MGRN1: variants seen among roughly 807,000 people sequenced by gnomAD.
MGRN1 encodes the protein mahogunin ring finger 1, also known as E3 ubiquitin-protein ligase MGRN1.
MGRN1 carries 29 observed loss-of-function variants against 69.2 expected under a neutral mutation model. The ratio of observed to expected loss-of-function variants is 0.42; its 90% CI spans 0.31 to 0.57. The LOEUF (loss-of-function observed/expected upper bound fraction) is 0.57. Among genes scored for constraint, MGRN1 ranks in the 20% least tolerant of loss-of-function variants. MGRN1 has a pLI of 0.15. For missense variants in MGRN1, 998 were observed against 796.2 expected, an observed-to-expected ratio of 1.25 and a Z score of -3.05; for synonymous variants, 470 against 344.2, an observed-to-expected ratio of 1.37 and a Z score of -4.04.
intron 1 of MGRN1, among the ~76,000 whole-genome samples, chr16:4,637,623 C>CG (rs2078062379): frequency 1.3e-5 from 2 of 152,174 alleles, no homozygotes; most frequent in Non-Finnish European, 2.9e-5. Flanking sequence ...TCAGGGGAAA[C>CG]GGACAAGTGG....
At chr16:4,682,470 C>T (rs2079208607) in intron 13 of MGRN1, among the ~76,000 whole-genome samples, 2 of 152,222 alleles carry the variant, frequency 1.3e-5, no homozygotes, top group Non-Finnish European at 2.9e-5. Context: ...ACCCTCCATG[C>T]CCACGAGGAG....
At chr16:4,671,511 A>G (rs2078936690) in intron 9 of MGRN1, 52 bp downstream of exon 9, 2 of 1,561,494 alleles carry the variant, frequency 1.3e-6, no homozygotes, top group African/African-American at 1.4e-5. Flanking sequence ...CCACACCAGG[A>G]GCAGCCGCGG....
intron 10 of MGRN1, among the ~76,000 whole-genome samples, chr16:4,676,204 C>T (rs968315446): frequency 6.6e-6 from 1 of 152,178 alleles, no homozygotes; most frequent in Non-Finnish European, 1.5e-5. Flanking sequence ...CAGCCTGTGG[C>T]AGATCCTGTA....
intron 9 of MGRN1, chr16:4,672,306 C>G (rs2078956371): frequency 4.4e-6 from 2 of 455,954 alleles, no homozygotes; most frequent in South Asian, 1.5e-5. Context: ...CTCAGCCTCC[C>G]AAAGTGCTGG....
At chr16:4,644,305 GTTTTTTT>G (rs79613493) in intron 1 of MGRN1, among the ~76,000 whole-genome samples, 5 of 107,604 alleles carry the variant, frequency 4.6e-5, no homozygotes, top group South Asian at 3.1e-4. Flanking sequence ...TCAATTACCA[GTTTTTTT>G]TTTTTTTTTT....
Position 4,688,812 on chromosome 16 carries a change from G to A in MGRN1, c.1635G>A (p.Met545Ile). 1 of 1,551,568 alleles carries A rather than the reference G, an allele frequency of 6.4e-7. No individual in the cohort carries two copies. Among genetic ancestry groups the A allele is most frequent in the Non-Finnish European group, 8.7e-7 (1 of 1,147,006 alleles). ...DIYLPGRPTS[M>I]ETAHGLATTS... ...CACCTGCAGGACGGCCCACCTCCATGGAGACGGCCCACGGCCTCGCCACCA... is the reference window on the plus strand; with the variant it reads ...CACCTGCAGGACGGCCCACCTCCATAGAGACGGCCCACGGCCTCGCCACCA... Residue 545 changes from methionine to isoleucine, a missense_variant, in exon 17 of 17, where the codon ATG becomes ATA. Coordinates refer to ENST00000262370, the MANE Select transcript of MGRN1 (RefSeq NM_015246.4).
chr16:4,669,658 C>T (rs906325166), intron 8 of MGRN1, among the ~76,000 whole-genome samples: 13 of 152,074 alleles, frequency 8.5e-5, no homozygotes, highest in African/African-American at 2.9e-4. Flanking sequence ...AGGAAAGAGA[C>T]CAGAAACAAA....
intron 5 of MGRN1, chr16:4,664,465 A>G: frequency 1.7e-6 from 1 of 571,458 alleles, no homozygotes. Context: ...TTATAGATGT[A>G]CTTTACTCAA....
Position 4,683,226 on chromosome 16 carries a change from T to C in MGRN1, c.1485T>C (p.Ser495=). The C allele has an allele frequency of 6.2e-7, 1 of 1,613,252 alleles. No homozygotes were observed. The highest frequency in any genetic ancestry group is 8.5e-7 in the Non-Finnish European group (1 of 1,179,842). The change falls in exon 15 of 17, where the codon AGT becomes AGC. Residue 495 remains serine, a splice_region_variant and synonymous_variant. Transcript: ENST00000262370. ...LALRESSSPE[S]FITEEVDESS... is the part of the protein sequence containing the mutation. ...CTACTTTCCCCTTTGTTTCCTAGAG[T>C]TTCATAACAGAAGAGGTTGATGAGT... is the stretch of plus-strand genomic sequence containing the variant.
intron 5 of MGRN1, among the ~76,000 whole-genome samples, chr16:4,657,910 T>C (rs951119758): frequency 6.6e-6 from 1 of 151,650 alleles, no homozygotes; most frequent in Non-Finnish European, 1.5e-5. Context: ...GCCCGGCTAA[T>C]TTTTTGTATT....
chr16:4,656,852 C>A (rs148923095), intron 4 of MGRN1, among the ~76,000 whole-genome samples: 1 of 151,932 alleles, frequency 6.6e-6, no homozygotes, highest in Admixed American at 6.6e-5. Flanking sequence ...TGCACTCCAG[C>A]CCAGGCGACA....
At chr16:4,674,015 C>T (rs891941546) in intron 10 of MGRN1, among the ~76,000 whole-genome samples, 3 of 152,214 alleles carry the variant, frequency 2.0e-5, no homozygotes, top group Non-Finnish European at 4.4e-5. Context: ...GAGACAGTTT[C>T]GTGCTGTCGC....
intron 1 of MGRN1, among the ~76,000 whole-genome samples, chr16:4,625,358 G>T (rs781526126): frequency 9.2e-5 from 14 of 152,236 alleles, no homozygotes; most frequent in Non-Finnish European, 1.9e-4. Context: ...CCCCGAGGGC[G>T]GGGCGGGGTG....
chr16:4,634,226 T>C (rs2141831778), intron 1 of MGRN1: 1 of 152,450 alleles, frequency 6.6e-6, no homozygotes, highest in Non-Finnish European at 1.5e-5. Flanking sequence ...CTGGGCCCCT[T>C]TCAGGTCTGG....
Position 4,681,616 on chromosome 16 carries a change from G to A in MGRN1, c.1198G>A (p.Ala400Thr). Residue 400 changes from alanine (A) to threonine (T), a missense_variant, in exon 13 of 17, where the codon GCT becomes ACT. Physicochemically the swap from Ala to Thr is moderately conservative, Grantham distance 58. Transcript: ENST00000262370. The part of the protein sequence containing the change: ...SLLEALNGLR[A>T]VSPAIPSAPL... ...GCTCGAGGCGCTCAACGGCCTCCGGGCTGTCTCCCCGGCCATCCCCTCGGC... is the reference window on the plus strand; with the variant it reads ...GCTCGAGGCGCTCAACGGCCTCCGGACTGTCTCCCCGGCCATCCCCTCGGC... 1 of 1,613,512 alleles carries A rather than the reference G, an allele frequency of 6.2e-7. No homozygotes were observed. Among genetic ancestry groups the A allele is most frequent in the Non-Finnish European group, 8.5e-7 (1 of 1,180,014 alleles).
rs139807713 is a variant in MGRN1, at chr16:4,688,890, C to T, written c.1713C>T (p.Ala571=). The part of the protein sequence containing the change: ...LGGPSPDPSA[A]ELTPL ...GCCCCAGCCCCGATCCCAGCGCCGC[C>T]GAGCTGACCCCACTCTGAGAGCCTG... is the stretch of plus-strand genomic sequence containing the variant. Residue 571 remains alanine, a synonymous_variant, in exon 17 of 17, where the codon GCC becomes GCT. Transcript: ENST00000262370. 3.4e-4 allele frequency: 527 copies of T among 1,549,182 alleles called. 1 individual carries two copies. Among genetic ancestry groups the T allele is most frequent in the Non-Finnish European group, 4.2e-4 (480 of 1,145,304 alleles).
chr16:4,680,146 T>G (rs1230527723), intron 12 of MGRN1, 49 bp downstream of exon 12: 2 of 1,574,962 alleles, frequency 1.3e-6, no homozygotes, highest in Non-Finnish European at 1.7e-6. Flanking sequence ...GCCCTCATTT[T>G]TAAACCCACG....
Position 4,683,204 on chromosome 16 carries a change from C to G in MGRN1, c.1483-20C>G. ...CCGCGGCTCTCTGAGCTCTAGGCTACTTTCCCCTTTGTTTCCTAGAGTTTC... is the reference window on the plus strand; with the variant it reads ...CCGCGGCTCTCTGAGCTCTAGGCTAGTTTCCCCTTTGTTTCCTAGAGTTTC... On this transcript the variant is annotated intron_variant, in intron 14 of 16. Coordinates refer to ENST00000262370, the MANE Select transcript of MGRN1 (RefSeq NM_015246.4). The G allele has an allele frequency of 6.2e-7, 1 of 1,613,336 alleles. No individual in the cohort carries two copies.
chr16:4,661,944 C>T (rs1359425760), intron 5 of MGRN1, among the ~76,000 whole-genome samples: 2 of 152,222 alleles, frequency 1.3e-5, no homozygotes, highest in Non-Finnish European at 2.9e-5. Flanking sequence ...GCTGCGGTAG[C>T]CGTGTGCCAG....
Sources: allele counts gnomAD v4.1 joint callset (sites outside exome capture counted in the v4.1 genomes callset), GRCh38; gene constraint gnomAD v4.1.1; transcripts MANE v1.5; gene names NCBI Gene and HGNC (gene_info 2026-07-23, HGNC 2026-07-21).